RIMKLA: variants seen among roughly 807,000 people sequenced by gnomAD.
RIMKLA encodes ribosomal modification protein rimK like family member A.
Under a neutral mutation model 32.7 loss-of-function variants are expected in RIMKLA, and 14 were observed. The ratio of observed to expected loss-of-function variants is 0.43; its 90% CI spans 0.28 to 0.67. The LOEUF (loss-of-function observed/expected upper bound fraction) is 0.67, where lower values mean the gene tolerates loss of function less well. Among genes scored for constraint, RIMKLA ranks in the 30% least tolerant of loss-of-function variants. RIMKLA has a pLI of 0.18. For synonymous variants in RIMKLA, 176 were observed against 204.1 expected (o/e 0.86, Z 1.18); for missense variants, 410 against 519.0 (o/e 0.79, Z 2.04).
At chr1:42,385,891 T>TTTCCTTCTTTCC (rs1553175563) in intron 1 of RIMKLA, among the ~76,000 whole-genome samples, 8 of 77,130 alleles carry the variant, frequency 1.0e-4, no homozygotes, top group African/African-American at 4.0e-4. Context: ...TCTTTCTTTC[T>TTTCCTTCTTTCC]TTCTTTCCTT....
chr1:42,421,754 G>A lies in RIMKLA; in HGVS notation c.*6780G>A, dbSNP rs967619852. 5.3e-5 allele frequency: 8 copies of A among 152,130 alleles called. No individual in the cohort carries two copies. The highest frequency in any genetic ancestry group is 1.9e-4 in the African/African-American group (8 of 41,412). The allele number at this position is 152,130 out of a possible 1,614,324, so 9.4% of individuals were successfully genotyped here. A position where few individuals can be genotyped will look rare whatever the true frequency, so the allele number is the denominator to read the frequency against. ...TTCCAGGAATTTTGTAAGCTGGTTGGTAAACACAGCCACAGTGACCATTAG... is the reference window on the plus strand; with the variant it reads ...TTCCAGGAATTTTGTAAGCTGGTTGATAAACACAGCCACAGTGACCATTAG... On this transcript the variant is annotated 3_prime_UTR_variant, in exon 5 of 5. Coordinates refer to ENST00000431473, the MANE Select transcript of RIMKLA (RefSeq NM_173642.4). The surrounding 1 kb of genome is among the most constrained non-coding windows in gnomAD (Gnocchi z 4.6).
chr1:42,408,350 G>T (rs182103213), intron 3 of RIMKLA, among the ~76,000 whole-genome samples: 1 of 152,278 alleles, frequency 6.6e-6, no homozygotes, highest in East Asian at 1.9e-4. Flanking sequence ...GGGAATGATT[G>T]CATCCTGGTT....
At position 42,421,076 on chromosome 1, in the gene RIMKLA, G is replaced by A. The variant is rs541121244; in HGVS notation, c.*6102G>A. 9 of 152,394 alleles carry A rather than the reference G, an allele frequency of 5.9e-5. No homozygotes were observed. The highest frequency in any genetic ancestry group is 3.9e-4 in the East Asian group (2 of 5,188). The allele number at this position is 152,394 out of a possible 1,614,324, so 9.4% of individuals were successfully genotyped here. A position where few individuals can be genotyped will look rare whatever the true frequency, so the allele number is the denominator to read the frequency against. ...AAGAGCTGCTGGGGGCAGGGCTGGCGGTAGCTCAAGCATGCTGTGGTTCAG... is the reference window on the plus strand; with the variant it reads ...AAGAGCTGCTGGGGGCAGGGCTGGCAGTAGCTCAAGCATGCTGTGGTTCAG... On this transcript the variant is annotated 3_prime_UTR_variant, in exon 5 of 5. Transcript: ENST00000431473. The surrounding 1 kb of genome is among the most constrained non-coding windows in gnomAD (Gnocchi z 4.6).
rs1296127930 is a variant in RIMKLA at position 42,416,918 on chromosome 1, T to C, written c.*1944T>C. On this transcript the variant is annotated 3_prime_UTR_variant, in exon 5 of 5. Transcript: ENST00000431473. ...CAGTCCAACATAAGGTGCATGCCAC[T>C]GAACTGTAACCCTAGTAATGTGTCT... The C allele has an allele frequency of 2.0e-5, 3 of 152,240 alleles. No individual in the cohort carries two copies. Among genetic ancestry groups the C allele is most frequent in the Non-Finnish European group, 4.4e-5 (3 of 68,036 alleles). 9.4% of individuals were successfully genotyped at this position (152,240 alleles called of 1,614,324 possible). A position where few individuals can be genotyped will look rare whatever the true frequency, so the allele number is the denominator to read the frequency against.
intron 1 of RIMKLA, 34 bp downstream of exon 1, chr1:42,381,131 C>A: frequency 4.0e-6 from 5 of 1,241,166 alleles, no homozygotes; most frequent in Non-Finnish European, 5.0e-6. Context: ...GGCAGGGAGG[C>A]GCGCCGGGGT....
rs141124893 is a variant in RIMKLA, at chr1:42,399,441, G to A, written c.201G>A (p.Pro67=). The change falls in exon 2 of 5, where the codon CCG becomes CCA. Residue 67 remains proline (P), a synonymous_variant. Transcript: ENST00000431473. ...ACCAGAAGGCCCTCACCACTTTCCC[G>A]GATGTGGTGCTTGTACGGGTACCCA... ...QLNQKALTTF[P]DVVLVRVPTP... is the part of the protein sequence containing the mutation. 2.0e-5 allele frequency: 33 copies of A among 1,612,612 alleles called. No individual in the cohort carries two copies. Among genetic ancestry groups the A allele is most frequent in the African/African-American group, 8.0e-5 (6 of 75,004 alleles).
intron 3 of RIMKLA, among the ~76,000 whole-genome samples, chr1:42,408,301 T>C (rs1454432709): frequency 2.0e-5 from 3 of 152,196 alleles, no homozygotes; most frequent in African/African-American, 7.2e-5. Context: ...GTGGCTGAAC[T>C]CCTCCAGCTC....
At chr1:42,389,587 G>A (rs149242129) in intron 1 of RIMKLA, among the ~76,000 whole-genome samples, 2,296 of 152,192 alleles carry the variant, frequency 0.015, 58 homozygotes, top group African/African-American at 0.054. Flanking sequence ...CGAGGTGGGC[G>A]AATCACTTGA....
At chr1:42,400,214 G>T (rs1178260731) in intron 2 of RIMKLA, among the ~76,000 whole-genome samples, 1 of 148,918 alleles carries the variant, frequency 6.7e-6, no homozygotes, top group African/African-American at 2.5e-5. Context: ...AGAATGTTAA[G>T]AGAGATATAG....
rs1360474060 is a variant in RIMKLA at position 42,419,704 on chromosome 1, G to A, written c.*4730G>A. 1 of 152,250 alleles carries A rather than the reference G, an allele frequency of 6.6e-6. No individual in the cohort carries two copies. Among genetic ancestry groups the A allele is most frequent in the Non-Finnish European group, 1.5e-5 (1 of 68,100 alleles). 9.4% of individuals were successfully genotyped at this position (152,250 alleles called of 1,614,324 possible). Reference sequence around the variant, plus strand: ...GGTTCAGCACTTGGATGGCTTCTAGGTGAGAGCCCCAAAGGCATGTATATT... The same window carrying A: ...GGTTCAGCACTTGGATGGCTTCTAGATGAGAGCCCCAAAGGCATGTATATT... On this transcript the variant is annotated 3_prime_UTR_variant, in exon 5 of 5. Transcript: ENST00000431473.
chr1:42,385,847 T>G (rs984048444), intron 1 of RIMKLA, among the ~76,000 whole-genome samples: 1 of 14,074 alleles, frequency 7.1e-5, no homozygotes, highest in Non-Finnish European at 2.2e-4. Flanking sequence ...TTTCTTTCTC[T>G]TTCTTTCTTT....
intron 4 of RIMKLA, among the ~76,000 whole-genome samples, chr1:42,414,170 A>G (rs1470952210): frequency 6.6e-6 from 1 of 152,034 alleles, no homozygotes; most frequent in African/African-American, 2.4e-5. Context: ...AGTGCCCATC[A>G]TGTACCTGGC....
At chr1:42,403,804 G>A (rs1334135985) in intron 2 of RIMKLA, among the ~76,000 whole-genome samples, 1 of 152,196 alleles carries the variant, frequency 6.6e-6, no homozygotes, top group Non-Finnish European at 1.5e-5. Context: ...CTGAAATCAT[G>A]GTGTCAGCTG....
intron 2 of RIMKLA, among the ~76,000 whole-genome samples, chr1:42,400,939 G>C (rs1386956938): frequency 6.6e-6 from 1 of 152,004 alleles, no homozygotes; most frequent in Non-Finnish European, 1.5e-5. Context: ...TATATTTTAT[G>C]TATATTTTAA....
rs1643259658 is a variant in RIMKLA, at chr1:42,417,550, G to GTTTCTTTGTTTA, written c.*2576_*2577insTTTCTTTGTTTA. ...CATGTTTCACTCAGATAGAGAAAAT[G>GTTTCTTTGTTTA]CCTCCTTTGTTTACCTCTTTGAAGC... On this transcript the variant is annotated 3_prime_UTR_variant, in exon 5 of 5. Coordinates refer to ENST00000431473, the MANE Select transcript of RIMKLA (RefSeq NM_173642.4). 1 of 152,192 alleles carries GTTTCTTTGTTTA rather than the reference G, an allele frequency of 6.6e-6. No individual in the cohort carries two copies. The highest frequency in any genetic ancestry group is 1.5e-5 in the Non-Finnish European group (1 of 68,044). The allele number at this position is 152,192 out of a possible 1,614,324, so 9.4% of individuals were successfully genotyped here. A position where few individuals can be genotyped will look rare whatever the true frequency, so the allele number is the denominator to read the frequency against.
chr1:42,415,089 G>A lies in RIMKLA; in HGVS notation c.*115G>A. 8.6e-7 allele frequency: 1 copy of A among 1,156,252 alleles called. No individual in the cohort carries two copies. The highest frequency in any genetic ancestry group is 1.2e-6 in the Non-Finnish European group (1 of 824,796). The allele number at this position is 1,156,252 out of a possible 1,614,324, so 71.6% of individuals were successfully genotyped here. ...TGCACAGAAACTAGAAATCCCATCT[G>A]GGCACTCAGCATTTTTTCTAACGAT... On this transcript the variant is annotated 3_prime_UTR_variant, in exon 5 of 5. Transcript: ENST00000431473.
rs2148382953 is a variant in RIMKLA at position 42,385,864 on chromosome 1, TTCTTTCTTTCTTTC to T, written c.163+4769_163+4782del. On this transcript the variant is annotated intron_variant, in intron 1 of 4. Transcript: ENST00000431473. The stretch of plus-strand genomic sequence containing the variant: ...TCTTTCTCTTTCTTTCTTTCTTTCT[TTCTTTCTTTCTTTC>T]TTTCTTTCTTTCTTTCTTTCCTTCT... 3.8e-5 allele frequency among the ~76,000 whole-genome samples: 3 copies of T among 78,402 alleles called. 1 individual carries two copies. In the South Asian group the frequency reaches 1.2e-3, roughly 32 times the overall value. The allele number at this position is 78,402 out of a possible 152,430, so 51.4% of individuals were successfully genotyped here.
chr1:42,399,478 C>T lies in RIMKLA; in HGVS notation c.238C>T (p.Gln80Ter). 2 of 1,613,400 alleles carry T rather than the reference C, an allele frequency of 1.2e-6. No homozygotes were observed. Among genetic ancestry groups the T allele is most frequent in the Non-Finnish European group, 8.5e-7 (1 of 1,179,748 alleles). The part of the protein sequence containing the change: ...VLVRVPTPSV[Q>*]SDSDITVLRH... ...TGTACGGGTACCCACACCCTCAGTGCAGTCAGACAGTGACATCACTGTCCT... is the reference window on the plus strand; with the variant it reads ...TGTACGGGTACCCACACCCTCAGTGTAGTCAGACAGTGACATCACTGTCCT... Residue 80 changes from glutamine (Q) to a stop codon, truncating the protein, a stop_gained, in exon 2 of 5, where the codon CAG becomes TAG. Coordinates refer to ENST00000431473, the MANE Select transcript of RIMKLA (RefSeq NM_173642.4). LOFTEE classifies it high-confidence loss of function.
At chr1:42,397,982 A>G (rs991663051) in intron 1 of RIMKLA, among the ~76,000 whole-genome samples, 1 of 152,098 alleles carries the variant, frequency 6.6e-6, no homozygotes, top group Non-Finnish European at 1.5e-5. Context: ...TTACCCTTGC[A>G]TGCTCTCTTA....
Sources: allele counts gnomAD v4.1 joint callset (sites outside exome capture counted in the v4.1 genomes callset), GRCh38; gene constraint gnomAD v4.1.1; non-coding constraint Gnocchi (gnomAD v3.1); transcripts MANE v1.5; gene names NCBI Gene and HGNC (gene_info 2026-07-23, HGNC 2026-07-21).